NUP210L: variants seen among roughly 807,000 people sequenced by gnomAD.
NUP210L encodes nucleoporin 210 like.
A neutral mutation model predicts 208.5 loss-of-function variants in NUP210L; 74 were observed. The observed-to-expected ratio is 0.35, with a 90% CI of 0.29 to 0.43. NUP210L has a LOEUF of 0.43. Ranked by LOEUF, NUP210L falls within the 20% of genes least tolerant of loss-of-function variation. NUP210L has a pLI of 1.00. For missense variants in NUP210L, 1,843 were observed against 2,289.4 expected, an observed-to-expected ratio of 0.81 and a Z score of 3.98; for synonymous variants, 780 against 816.9, an observed-to-expected ratio of 0.95 and a Z score of 0.77.
At position 154,012,100 on chromosome 1, in the gene NUP210L, A is replaced by G. The variant is rs570557559; in HGVS notation, c.4780+144T>C. 8.0e-6 allele frequency: 6 copies of G among 750,346 alleles called. No individual in the cohort carries two copies. In the African/African-American group the frequency reaches 1.1e-4, roughly 13 times the overall value. 46.5% of individuals were successfully genotyped at this position (750,346 alleles called of 1,614,324 possible). Reference sequence around the variant, plus strand: ...GTCTAGTCATAATTTCTGAGGTCTCATAGAGCTCTATGATTTATTTGTCAA... The same window carrying G: ...GTCTAGTCATAATTTCTGAGGTCTCGTAGAGCTCTATGATTTATTTGTCAA... On this transcript the variant is annotated intron_variant, in intron 34 of 39. Transcript: ENST00000368559.
At chr1:154,050,284 A>G (rs1421517177) in intron 25 of NUP210L, among the ~76,000 whole-genome samples, 1 of 152,180 alleles carries the variant, frequency 6.6e-6, no homozygotes, top group Non-Finnish European at 1.5e-5. Context: ...AGGCATTCCT[A>G]CCTTGCCATG....
chr1:154,090,459 A>G (rs1655846843), intron 15 of NUP210L, among the ~76,000 whole-genome samples: 1 of 152,180 alleles, frequency 6.6e-6, no homozygotes, highest in African/African-American at 2.4e-5. Context: ...AACTATCTCA[A>G]CATGATAAAA....
At position 154,043,364 on chromosome 1, in the gene NUP210L, G is replaced by C. The variant is rs1652997453; in HGVS notation, c.3696+2705C>G. 2.0e-5 allele frequency among the ~76,000 whole-genome samples: 3 copies of C among 151,194 alleles called. No homozygotes were observed. The South Asian group carries it at 6.3e-4, about 32-fold the overall frequency. On this transcript the variant is annotated intron_variant, in intron 27 of 39. Coordinates refer to ENST00000368559, the Ensembl canonical transcript of NUP210L. The stretch of plus-strand genomic sequence containing the variant: ...AGTTTCACTCTTGTTGCCCAGGCTG[G>C]AGTGCAATGGCGTAATCTCAGTTCA...
chr1:154,046,309 G>A (rs377529784), exon 26 of NUP210L: 28 of 1,613,994 alleles, frequency 1.7e-5, no homozygotes, highest in Middle Eastern at 1.6e-4. Flanking sequence ...GTGATGAGCC[G>A]AGTTGCAGCT....
chr1:154,127,877 A>T (rs1240429438), intron 8 of NUP210L, among the ~76,000 whole-genome samples: 1 of 149,404 alleles, frequency 6.7e-6, no homozygotes, highest in African/African-American at 2.5e-5. Context: ...TTTTGTTGTT[A>T]TTTTTTGAAA....
rs376455113 is a variant in NUP210L at position 154,119,158 on chromosome 1, T to C, written c.1327-350A>G. On this transcript the variant is annotated intron_variant, in intron 10 of 39. Transcript: ENST00000368559. The stretch of plus-strand genomic sequence containing the variant: ...GAAAGACCCCTGGACATCCATAAAC[T>C]GTAAAGGGAAAGGGATACTATAAGC... 3.1e-4 allele frequency among the ~76,000 whole-genome samples: 47 copies of C among 152,032 alleles called. No homozygotes were observed. The South Asian group carries it at 9.5e-3, about 31-fold the overall frequency.
chr1:154,061,454 C>T (rs1654132384), intron 18 of NUP210L, 132 bp downstream of exon 18: 1 of 470,158 alleles, frequency 2.1e-6, no homozygotes, highest in Admixed American at 4.1e-5. Flanking sequence ...TTCCAGGACT[C>T]TCTCAAGGGC....
chr1:154,132,244 T>C (rs1658299504), intron 7 of NUP210L, among the ~76,000 whole-genome samples: 1 of 152,244 alleles, frequency 6.6e-6, no homozygotes, highest in Non-Finnish European at 1.5e-5. Flanking sequence ...ATAATTTCCC[T>C]AGGTGATTTT....
intron 30 of NUP210L, among the ~76,000 whole-genome samples, chr1:154,023,554 T>A (rs1309815894): frequency 1.3e-5 from 2 of 152,084 alleles, no homozygotes; most frequent in African/African-American, 4.8e-5. Context: ...TTTGACTCAC[T>A]GCAACCTCTG....
exon 40 of NUP210L, chr1:153,992,907 A>AGGG: frequency 6.2e-7 from 1 of 1,613,168 alleles, no homozygotes; most frequent in Non-Finnish European, 8.5e-7. Flanking sequence ...TCATGAAGTG[A>AGGG]GGGGGAGAAC....
At chr1:154,126,519 C>G in intron 9 of NUP210L, 56 bp from the exon 10 acceptor site, 2 of 1,446,754 alleles carry the variant, frequency 1.4e-6, no homozygotes, top group Non-Finnish European at 1.9e-6. Context: ...TCCCTGAAGT[C>G]ATCTTAATCC....
At chr1:154,152,815 C>T in exon 2 of NUP210L, 1 of 1,613,896 alleles carries the variant, frequency 6.2e-7, no homozygotes. Context: ...TTTGGGAACA[C>T]AAGGTGCCAT....
chr1:154,058,507 T>G, intron 21 of NUP210L, 58 bp downstream of exon 21: 1 of 1,572,368 alleles, frequency 6.4e-7, no homozygotes. Flanking sequence ...TATTAAGGAA[T>G]GCTGGGTAGT....
chr1:153,996,468 C>T (rs917169984), intron 37 of NUP210L, among the ~76,000 whole-genome samples: 4 of 152,110 alleles, frequency 2.6e-5, no homozygotes, highest in Admixed American at 6.6e-5. Flanking sequence ...GTTGCCCAGG[C>T]TGGAGTGCAG....
rs201320832 is a variant in NUP210L, at chr1:154,135,875, G to A, written c.948C>T (p.Asp316=). ...GTGAGGCAGTCACCATGGCTGTTTT[G>A]TCATCCAGTATAGCCACTTTCTCAG... The change falls in exon 7 of 40, where the codon GAC becomes GAT. Residue 316 remains aspartate (D), a synonymous_variant. Transcript: ENST00000368559. 1,162 of 1,613,404 alleles carry A rather than the reference G, an allele frequency of 7.2e-4. 2 individuals carry two copies. Among genetic ancestry groups the A allele is most frequent in the Non-Finnish European group, 8.4e-4 (995 of 1,179,338 alleles).
intron 33 of NUP210L, among the ~76,000 whole-genome samples, chr1:154,014,751 C>T (rs1291432879): frequency 1.3e-5 from 2 of 152,168 alleles, no homozygotes; most frequent in Non-Finnish European, 1.5e-5. Flanking sequence ...CATCTGTAAT[C>T]CCAGCGCTTT....
exon 3 of NUP210L, chr1:154,143,497 A>G (rs1393797445): frequency 1.2e-6 from 2 of 1,613,936 alleles, no homozygotes; most frequent in African/African-American, 1.3e-5. Context: ...TCATCTACAT[A>G]AAGTTCCCGG....
intron 33 of NUP210L, among the ~76,000 whole-genome samples, chr1:154,016,417 T>TA (rs927685375): frequency 2.6e-5 from 4 of 152,044 alleles, no homozygotes; most frequent in African/African-American, 9.7e-5. Context: ...AATATTTCAT[T>TA]AAAAAAATCC....
chr1:154,122,053 A>G (rs539677930), intron 10 of NUP210L, among the ~76,000 whole-genome samples: 7 of 152,324 alleles, frequency 4.6e-5, no homozygotes, highest in African/African-American at 1.7e-4. Flanking sequence ...CAGACTCAGA[A>G]AGAAAACAAG....
Sources: gnomAD v4.1 joint callset for allele counts (sites outside exome capture counted in the v4.1 genomes callset) on GRCh38, gnomAD v4.1.1 for gene constraint, MANE v1.5 for transcripts, NCBI Gene and HGNC (gene_info 2026-07-23, HGNC 2026-07-21) for gene names.